RAI14: variants seen among roughly 807,000 people sequenced by gnomAD.
RAI14 encodes retinoic acid induced 14.
A neutral mutation model predicts 115.4 loss-of-function variants in RAI14; 45 were observed. That is an observed-to-expected ratio of 0.39 (90% CI 0.31 to 0.50). The LOEUF is 0.50. Ranked by LOEUF, RAI14 falls within the 20% of genes least tolerant of loss-of-function variation. RAI14 has a pLI of 0.85. For missense variants in RAI14, 939 were observed against 1,131.2 expected (o/e 0.83, Z 2.44); for synonymous variants, 371 against 415.4 (o/e 0.89, Z 1.30).
In RAI14 at chr5:34,826,297, C is replaced by T. The variant is rs201710499; in HGVS notation, c.2650-33C>T. ...GAAATTTTGCTTTGTAGACATGTTA[C>T]TGTCTGCTAATACCATTTTCCTTTG... On this transcript the variant is annotated intron_variant, in intron 15 of 17. Transcript: ENST00000265109. 186 of 1,591,354 alleles carry T rather than the reference C, an allele frequency of 1.2e-4. No homozygotes were observed. The African/African-American group carries it at 2.3e-3, about 19-fold the overall frequency.
At chr5:34,780,933 C>T (rs28883716) in intron 3 of RAI14, among the ~76,000 whole-genome samples, 4,239 of 152,042 alleles carry the variant, frequency 0.028, 196 homozygotes, top group African/African-American at 0.095. Flanking sequence ...ATGTTTATTG[C>T]GGCACTATTC....
intron 2 of RAI14, among the ~76,000 whole-genome samples, chr5:34,751,316 A>G (rs1028899142): frequency 6.8e-6 from 1 of 146,090 alleles, no homozygotes; most frequent in African/African-American, 2.6e-5. Context: ...ATTTTTTTGT[A>G]CTTTTAGTAG....
chr5:34,790,301 A>ATC (rs1752766761), intron 3 of RAI14, among the ~76,000 whole-genome samples: 1 of 152,226 alleles, frequency 6.6e-6, no homozygotes, highest in Non-Finnish European at 1.5e-5. Context: ...CCCAGATTGA[A>ATC]TACATAAGTG....
rs1347606696 is a variant in RAI14, at chr5:34,827,740, C to T, written c.2799+1261C>T. Among the ~76,000 whole-genome samples, 3 of 152,172 alleles carry T rather than the reference C, an allele frequency of 2.0e-5. No individual in the cohort carries two copies. The highest frequency in any genetic ancestry group is 2.9e-5 in the Non-Finnish European group (2 of 68,030). On this transcript the variant is annotated intron_variant, in intron 16 of 17. Transcript: ENST00000265109. The surrounding 1 kb of genome is among the most constrained non-coding windows in gnomAD (Gnocchi z 4.2). ...GTAGATAAAGTGCTATTGGTTTATA[C>T]AGTAATTCTTATAATTACGCAACAT...
intron 3 of RAI14, among the ~76,000 whole-genome samples, chr5:34,768,542 G>T (rs1323594369): frequency 6.6e-6 from 1 of 152,100 alleles, no homozygotes; most frequent in Non-Finnish European, 1.5e-5. Context: ...AGTACAAATC[G>T]CCTGTTCTAC....
chr5:34,670,531 G>C (rs1432522131), intron 1 of RAI14, among the ~76,000 whole-genome samples: 1 of 152,072 alleles, frequency 6.6e-6, no homozygotes, highest in African/African-American at 2.4e-5. Flanking sequence ...TATTATCATT[G>C]CTAATGTCAT....
At chr5:34,674,584 TTG>T (rs1743841413) in intron 1 of RAI14, among the ~76,000 whole-genome samples, 1 of 145,538 alleles carries the variant, frequency 6.9e-6, no homozygotes, top group South Asian at 2.1e-4. Flanking sequence ...ATCGGATCTT[TTG>T]TTTTTTTTTT....
intron 2 of RAI14, among the ~76,000 whole-genome samples, chr5:34,754,991 G>A (rs941249482): frequency 3.9e-5 from 6 of 152,120 alleles, no homozygotes; most frequent in Non-Finnish European, 8.8e-5. Flanking sequence ...TCCCAGTCCA[G>A]TTTTAATTTG....
intron 2 of RAI14, among the ~76,000 whole-genome samples, chr5:34,752,291 A>AT (rs1747134632): frequency 6.6e-6 from 1 of 152,244 alleles, no homozygotes; most frequent in Non-Finnish European, 1.5e-5. Context: ...GAAAAAACAA[A>AT]TATTTGCTAA....
chr5:34,789,575 A>G (rs1159549671), intron 3 of RAI14, among the ~76,000 whole-genome samples: 1 of 152,186 alleles, frequency 6.6e-6, no homozygotes, highest in African/African-American at 2.4e-5. Context: ...ATGGAAACAC[A>G]CATAGCTTTT....
chr5:34,667,829 G>A (rs199508099), intron 1 of RAI14, among the ~76,000 whole-genome samples: 1 of 152,164 alleles, frequency 6.6e-6, no homozygotes, highest in African/African-American at 2.4e-5. Context: ...TGTGAGAACC[G>A]TGTAACAAAT....
intron 2 of RAI14, among the ~76,000 whole-genome samples, chr5:34,752,741 G>GTATATATATA (rs1328513453): frequency 1.4e-4 from 14 of 99,532 alleles, no homozygotes; most frequent in African/African-American, 2.6e-4. Context: ...GTGTGTGTGT[G>GTATATATATA]TGTGTGTGTA....
intron 2 of RAI14, among the ~76,000 whole-genome samples, chr5:34,724,828 G>A (rs1411472801): frequency 2.0e-5 from 3 of 152,108 alleles, no homozygotes; most frequent in Non-Finnish European, 2.9e-5. Context: ...GGTAATATTT[G>A]AGCTTTACTT....
intron 3 of RAI14, among the ~76,000 whole-genome samples, chr5:34,779,156 T>C (rs897047165): frequency 6.6e-6 from 1 of 152,196 alleles, no homozygotes; most frequent in African/African-American, 2.4e-5. Context: ...AGAAAAGGCC[T>C]TTGAAAAAAT....
chr5:34,697,452 A>G (rs1475368807), intron 2 of RAI14, among the ~76,000 whole-genome samples: 3 of 151,996 alleles, frequency 2.0e-5, no homozygotes, highest in African/African-American at 4.8e-5. Flanking sequence ...AAAAAAAGAA[A>G]AAAAAAAAAA....
intron 3 of RAI14, among the ~76,000 whole-genome samples, chr5:34,786,139 G>T (rs1266828326): frequency 6.6e-6 from 1 of 152,216 alleles, no homozygotes; most frequent in Non-Finnish European, 1.5e-5. Flanking sequence ...TTGGAACGGG[G>T]CCCGGGATGG....
At chr5:34,825,561 C>T (rs975324768) in intron 15 of RAI14, among the ~76,000 whole-genome samples, 2 of 152,076 alleles carry the variant, frequency 1.3e-5, no homozygotes, top group Non-Finnish European at 2.9e-5. Flanking sequence ...AAGCTACCCT[C>T]GCCGGTCCCT....
At chr5:34,750,406 C>G (rs767391389) in intron 2 of RAI14, among the ~76,000 whole-genome samples, 7 of 151,988 alleles carry the variant, frequency 4.6e-5, no homozygotes, top group Non-Finnish European at 1.0e-4. Flanking sequence ...TGTAACTGTA[C>G]CAGATTCTCC....
chr5:34,756,491 C>T (rs1019351398), intron 2 of RAI14, among the ~76,000 whole-genome samples: 9 of 152,142 alleles, frequency 5.9e-5, no homozygotes, highest in Non-Finnish European at 1.0e-4. Context: ...GCTCAGGGGC[C>T]GGGCGCAGGA....
Sources: gnomAD v4.1 joint callset for allele counts (sites outside exome capture counted in the v4.1 genomes callset) on GRCh38, gnomAD v4.1.1 for gene constraint, Gnocchi (gnomAD v3.1) non-coding constraint, MANE v1.5 for transcripts, NCBI Gene and HGNC (gene_info 2026-07-23, HGNC 2026-07-21) for gene names.